ASPRV1: variants seen among roughly 807,000 people sequenced by gnomAD.
ASPRV1 encodes the protein retroviral-like aspartic protease 1.
ASPRV1 carries 7 observed loss-of-function variants against 11.0 expected under a neutral mutation model. That is an observed-to-expected ratio of 0.64 (90% CI 0.36 to 1.20). The LOEUF (loss-of-function observed/expected upper bound fraction) is 1.20, where lower values mean the gene tolerates loss of function less well. Ranked by LOEUF, ASPRV1 falls within the 50% of genes most tolerant of loss-of-function variation. The pLI is 0.02. For missense variants in ASPRV1, 299 were observed against 320.0 expected (o/e 0.93, Z 0.50); for synonymous variants, 136 against 138.4 (o/e 0.98, Z 0.12).
chr2:69,943,349 T>G, the ASPRV1 span, among the ~76,000 whole-genome samples: 1 of 152,186 alleles, frequency 6.6e-6, no homozygotes, highest in African/African-American at 2.4e-5. Flanking sequence ...AGTTGTGGAA[T>G]AAAGTTGTGT....
chr2:69,977,915 T>C, the ASPRV1 span, among the ~76,000 whole-genome samples: 112 of 152,312 alleles, frequency 7.4e-4, no homozygotes, highest in African/African-American at 2.5e-3. Context: ...CCAGGCTGTC[T>C]GGCCTGTCCT....
the ASPRV1 span, among the ~76,000 whole-genome samples, chr2:69,991,224 C>T: frequency 2.0e-5 from 3 of 152,278 alleles, no homozygotes; most frequent in African/African-American, 7.2e-5. Flanking sequence ...GCCCAAGAAG[C>T]GGGGATGGAG....
the ASPRV1 span, chr2:69,941,734 G>A: frequency 3.3e-5 from 5 of 152,094 alleles, no homozygotes; most frequent in Admixed American, 2.0e-4. Context: ...AAACTAGGTA[G>A]GATTGTGATG....
At chr2:70,016,502 C>T in the ASPRV1 span, among the ~76,000 whole-genome samples, 2 of 152,090 alleles carry the variant, frequency 1.3e-5, no homozygotes, top group African/African-American at 2.4e-5. Flanking sequence ...GATTATGCCA[C>T]TGCACTCCAG....
Position 69,960,816 on chromosome 2 carries a change from G to C in ASPRV1, c.621C>G (p.Asp207Glu). 1 of 1,614,104 alleles carries C rather than the reference G, an allele frequency of 6.2e-7. No homozygotes were observed. The highest frequency in any genetic ancestry group is 1.3e-5 in the African/African-American group (1 of 75,030). Reference sequence around the variant, plus strand: ...GCTCAAAGTCCAGGATAGCATTGTGGTCCTGGAGCACATCAGTGCCAATGA... The same window carrying C: ...GCTCAAAGTCCAGGATAGCATTGTGCTCCTGGAGCACATCAGTGCCAATGA... ...EAIIGTDVLQ[D>E]HNAILDFEHR... Residue 207 changes from aspartate (D) to glutamate (E), a missense_variant, in exon 1 of 1, where the codon GAC (aspartate) becomes GAG (glutamate). Coordinates refer to ENST00000320256, the MANE Select transcript of ASPRV1 (RefSeq NM_152792.4).
the ASPRV1 span, among the ~76,000 whole-genome samples, chr2:70,060,899 GTTA>G: frequency 1.3e-5 from 2 of 152,188 alleles, no homozygotes. Flanking sequence ...TCAACAAGTA[GTTA>G]TTGAGTGTCT....
the ASPRV1 span, among the ~76,000 whole-genome samples, chr2:70,059,418 A>T: frequency 6.6e-6 from 1 of 151,970 alleles, no homozygotes. Context: ...CCTTAGATAC[A>T]TCAGGGTTCA....
chr2:69,973,099 T>C, the ASPRV1 span, among the ~76,000 whole-genome samples: 1 of 152,142 alleles, frequency 6.6e-6, no homozygotes, highest in Non-Finnish European at 1.5e-5. Context: ...CATGCATATA[T>C]ACACATACAT....
chr2:69,954,027 T>C, the ASPRV1 span, among the ~76,000 whole-genome samples: 1 of 152,198 alleles, frequency 6.6e-6, no homozygotes, highest in Non-Finnish European at 1.5e-5. Flanking sequence ...CAATTCACTT[T>C]AATTATGGAA....
the ASPRV1 span, among the ~76,000 whole-genome samples, chr2:70,058,361 G>C: frequency 6.6e-6 from 1 of 152,066 alleles, no homozygotes; most frequent in Non-Finnish European, 1.5e-5. Context: ...TCCTGCCTCA[G>C]CCTCCCAAGT....
the ASPRV1 span, among the ~76,000 whole-genome samples, chr2:70,073,538 G>T: frequency 6.6e-6 from 1 of 152,012 alleles, no homozygotes; most frequent in African/African-American, 2.4e-5. Context: ...GATACTTAAC[G>T]ATACTTTGTT....
chr2:70,087,348 TGTAAGG>T, the ASPRV1 span: 1 of 152,064 alleles, frequency 6.6e-6, no homozygotes, highest in South Asian at 2.0e-4. Context: ...TTAAGGACCA[TGTAAGG>T]GTTGGCGCAA....
At chr2:70,055,317 A>G in the ASPRV1 span, among the ~76,000 whole-genome samples, 4 of 151,310 alleles carry the variant, frequency 2.6e-5, no homozygotes, top group African/African-American at 9.7e-5. Context: ...CAAAAAAAAG[A>G]AAAAGACACG....
the ASPRV1 span, chr2:69,988,643 CTGAAT>C: frequency 5.2e-6 from 2 of 381,646 alleles, no homozygotes; most frequent in African/African-American, 4.2e-5. Context: ...CTTAATGTCA[CTGAAT>C]TGTACACTCA....
At chr2:69,975,912 G>A in the ASPRV1 span, 2 of 152,498 alleles carry the variant, frequency 1.3e-5, no homozygotes, top group African/African-American at 4.8e-5. Context: ...ACACCTCAGG[G>A]TGCAAGGGGT....
chr2:70,031,695 C>CA, the ASPRV1 span: 19 of 148,852 alleles, frequency 1.3e-4, no homozygotes, highest in African/African-American at 3.2e-4. Context: ...AGACTCCATC[C>CA]AAAAAAAAAG....
At chr2:70,020,660 T>C in the ASPRV1 span, among the ~76,000 whole-genome samples, 1 of 152,166 alleles carries the variant, frequency 6.6e-6, no homozygotes, top group African/African-American at 2.4e-5. Flanking sequence ...GAGAATCATT[T>C]GAACCTGGGA....
chr2:70,007,717 C>T, the ASPRV1 span, among the ~76,000 whole-genome samples: 50 of 152,212 alleles, frequency 3.3e-4, no homozygotes, highest in East Asian at 9.1e-3. Context: ...TTTAACTGCA[C>T]AGAAAGTTTC....
the ASPRV1 span, among the ~76,000 whole-genome samples, chr2:70,010,608 A>G: frequency 2.0e-5 from 3 of 152,194 alleles, no homozygotes; most frequent in Non-Finnish European, 4.4e-5. Context: ...TCACAAGAGA[A>G]GTATTTAACA....
Sources: allele counts gnomAD v4.1 joint callset (sites outside exome capture counted in the v4.1 genomes callset), GRCh38; gene constraint gnomAD v4.1.1; transcripts MANE v1.5; gene names NCBI Gene and HGNC (gene_info 2026-07-23, HGNC 2026-07-21).